Variants in SDK2 observed in about 807,000 individuals in gnomAD.
SDK2 encodes the protein protein sidekick-2.
Under a neutral mutation model 253.9 loss-of-function variants are expected in SDK2, and 105 were observed. The observed-to-expected ratio is 0.41, with a 90% CI of 0.35 to 0.49. The LOEUF (loss-of-function observed/expected upper bound fraction) is 0.49, where lower values mean the gene tolerates loss of function less well. Ranked by LOEUF, SDK2 falls within the 20% of genes least tolerant of loss-of-function variation. The pLI, the probability that SDK2 is intolerant of heterozygous loss-of-function variation, is 0.06. For synonymous variants in SDK2, 1,249 were observed against 1,234.9 expected, an observed-to-expected ratio of 1.01 and a Z score of -0.24; for missense variants, 2,608 against 3,003.0, an observed-to-expected ratio of 0.87 and a Z score of 3.07.
At chr17:73,584,545 G>A (rs533667758) in intron 1 of SDK2, among the ~76,000 whole-genome samples, 2 of 152,318 alleles carry the variant, frequency 1.3e-5, no homozygotes, top group African/African-American at 4.8e-5. Flanking sequence ...AGGAGGCTTT[G>A]GAGAGAGTCA....
In SDK2 at chr17:73,354,196, C is replaced by T. The variant is rs117711775; in HGVS notation, c.5594-1559G>A. The stretch of plus-strand genomic sequence containing the variant: ...TGCTGGGATTACAGGTGTGAGCCAC[C>T]GCGCTCAGCCAACAGGAAAAATTTG... On this transcript the variant is annotated intron_variant, in intron 40 of 44. Coordinates refer to ENST00000392650, the MANE Select transcript of SDK2 (RefSeq NM_001144952.2). 9.2e-5 allele frequency among the ~76,000 whole-genome samples: 14 copies of T among 152,274 alleles called. No homozygotes were observed. The East Asian group carries it at 1.9e-3, about 21-fold the overall frequency.
Position 73,338,125 on chromosome 17 carries a change from C to T in SDK2, c.*462G>A, listed in dbSNP as rs2062396435. 7.7e-6 allele frequency: 2 copies of T among 260,580 alleles called. No individual in the cohort carries two copies. Among genetic ancestry groups the T allele is most frequent in the South Asian group, 7.2e-5 (2 of 27,700 alleles). 16.1% of individuals were successfully genotyped at this position (260,580 alleles called of 1,614,324 possible). On this transcript the variant is annotated 3_prime_UTR_variant, in exon 45 of 45. Transcript: ENST00000392650. The surrounding 1 kb of genome is among the most constrained non-coding windows in gnomAD (Gnocchi z 5.0). ...GAAGATAGGCGTGGCCTCCGGGATG[C>T]CCATTCTTTTTGCAGAGAGCAGCGG...
In SDK2 at chr17:73,391,432, A is replaced by T. The variant is rs2062927243; in HGVS notation, c.3997+8T>A. On this transcript the variant is annotated splice_region_variant and intron_variant, in intron 28 of 44. Transcript: ENST00000392650. The stretch of plus-strand genomic sequence containing the variant: ...TGCAGCCGGGGCACGGGAAGGGCAA[A>T]GGCTTACCAAGAATGATGCCATTGG... The T allele has an allele frequency of 7.7e-7, 1 of 1,303,982 alleles. No homozygotes were observed. The highest frequency in any genetic ancestry group is 9.8e-7 in the Non-Finnish European group (1 of 1,016,120). 80.8% of individuals were successfully genotyped at this position (1,303,982 alleles called of 1,614,324 possible).
chr17:73,363,231 C>T (rs1006285018), intron 38 of SDK2, among the ~76,000 whole-genome samples: 3 of 152,150 alleles, frequency 2.0e-5, no homozygotes, highest in African/African-American at 7.2e-5. Context: ...ACTACCACAC[C>T]CAGCTAATTT....
In SDK2 at chr17:73,337,395, T is replaced by C. The variant is rs904388; in HGVS notation, c.*1192A>G. 139,975 of 152,400 alleles carry C rather than the reference T, an allele frequency of 0.92. 65,317 individuals are homozygous for C. The highest frequency in any genetic ancestry group is 1 in the Non-Finnish European group (67,955 of 68,128). 9.4% of individuals were successfully genotyped at this position (152,400 alleles called of 1,614,324 possible). A position where few individuals can be genotyped will look rare whatever the true frequency, so the allele number is the denominator to read the frequency against. ...TGCTTAGGAGGCTGCCGGGTGGCAG[T>C]GAGAGGGACACAGATCTGAAAGTGA... On this transcript the variant is annotated 3_prime_UTR_variant, in exon 45 of 45. Coordinates refer to ENST00000392650, the MANE Select transcript of SDK2 (RefSeq NM_001144952.2).
intron 1 of SDK2, among the ~76,000 whole-genome samples, chr17:73,532,823 C>T (rs1259407982): frequency 6.6e-6 from 1 of 151,918 alleles, no homozygotes; most frequent in Non-Finnish European, 1.5e-5. Flanking sequence ...CATGGCCCCA[C>T]GAGGCCTGGG....
chr17:73,339,060 G>C (rs1568356071), intron 44 of SDK2, 120 bp from the exon 45 acceptor site: 1 of 881,080 alleles, frequency 1.1e-6, no homozygotes, highest in Non-Finnish European at 1.8e-6. Context: ...TCAAGACTTG[G>C]ACTGTGGGCC....
intron 18 of SDK2, among the ~76,000 whole-genome samples, chr17:73,406,128 C>CA (rs1159064808): frequency 6.6e-6 from 1 of 151,882 alleles, no homozygotes; most frequent in Admixed American, 6.6e-5. Context: ...GGAATAATGA[C>CA]AAAAAACTCT....
chr17:73,599,056 A>G (rs1204663931), intron 1 of SDK2, among the ~76,000 whole-genome samples: 1 of 152,170 alleles, frequency 6.6e-6, no homozygotes, highest in African/African-American at 2.4e-5. Context: ...TCCCCCTAGA[A>G]AGAGTTACCC....
chr17:73,551,219 GGCCGGCTCCC>G, intron 1 of SDK2, among the ~76,000 whole-genome samples: 1 of 152,160 alleles, frequency 6.6e-6, no homozygotes, highest in East Asian at 1.9e-4. Context: ...GGGTGATGGC[GGCCGGCTCCC>G]CATCAGCTTC....
intron 36 of SDK2, chr17:73,369,198 GA>G (rs1747359041): frequency 2.1e-6 from 1 of 470,308 alleles, no homozygotes; most frequent in Admixed American, 2.4e-5. Context: ...ACAGTTCCTG[GA>G]GGAATAAAGC....
chr17:73,340,101 A>C (rs1427699179), intron 44 of SDK2, among the ~76,000 whole-genome samples: 1 of 151,934 alleles, frequency 6.6e-6, no homozygotes, highest in Non-Finnish European at 1.5e-5. Flanking sequence ...TGAACTCCTG[A>C]CCTCAGGTGA....
chr17:73,436,392 C>G (rs2063369009), intron 8 of SDK2, among the ~76,000 whole-genome samples: 1 of 152,046 alleles, frequency 6.6e-6, no homozygotes, highest in South Asian at 2.1e-4. Context: ...ACCTGACCAA[C>G]ATGGTGAAAC....
chr17:73,551,583 C>G (rs1008696515), intron 1 of SDK2, among the ~76,000 whole-genome samples: 4 of 152,186 alleles, frequency 2.6e-5, no homozygotes, highest in Non-Finnish European at 5.9e-5. Context: ...AACCTAACCC[C>G]TCCTGGACCA....
rs2063324169 is a variant in SDK2, at chr17:73,431,354, G to A, written c.1480+148C>T. ...ACCACTTTGTCACTGTCCCTCTGAT[G>A]AGAAGGGCCCTGACTGGGACAGACA... On this transcript the variant is annotated intron_variant, in intron 11 of 44. Coordinates refer to ENST00000392650, the MANE Select transcript of SDK2 (RefSeq NM_001144952.2). The surrounding 1 kb of genome is among the most constrained non-coding windows in gnomAD (Gnocchi z 5.6). The A allele has an allele frequency of 5.6e-6, 4 of 717,720 alleles. No individual in the cohort carries two copies. The highest frequency in any genetic ancestry group is 2.9e-5 in the East Asian group (1 of 34,410). 44.5% of individuals were successfully genotyped at this position (717,720 alleles called of 1,614,324 possible).
intron 36 of SDK2, among the ~76,000 whole-genome samples, chr17:73,372,446 A>G (rs1183555160): frequency 6.6e-6 from 1 of 152,228 alleles, no homozygotes; most frequent in Non-Finnish European, 1.5e-5. Flanking sequence ...TATCTGCTGG[A>G]TGAATAAATG....
intron 3 of SDK2, among the ~76,000 whole-genome samples, chr17:73,471,429 C>T (rs2063649931): frequency 6.6e-6 from 1 of 152,102 alleles, no homozygotes; most frequent in Non-Finnish European, 1.5e-5. Context: ...GAAACCCTAT[C>T]TCTACTAAAA....
chr17:73,454,584 TC>T (rs1453461774), intron 4 of SDK2, among the ~76,000 whole-genome samples: 1 of 152,246 alleles, frequency 6.6e-6, no homozygotes, highest in Non-Finnish European at 1.5e-5. Flanking sequence ...GAGAGCATCT[TC>T]TTCCTCACAG....
rs2062811575 is a variant in SDK2 at position 73,379,386 on chromosome 17, C to T, written c.4864+62G>A. ...TGGGGAGCCCAGATCCCGTTTCTTC[C>T]AGCTGAACTGGGTGGGGCTGGGAAA... On this transcript the variant is annotated intron_variant, in intron 35 of 44. Coordinates refer to ENST00000392650, the MANE Select transcript of SDK2 (RefSeq NM_001144952.2). The surrounding 1 kb of genome is among the most constrained non-coding windows in gnomAD (Gnocchi z 4.5). 1 of 1,529,626 alleles carries T rather than the reference C, an allele frequency of 6.5e-7. No individual in the cohort carries two copies. Among genetic ancestry groups the T allele is most frequent in the South Asian group, 1.2e-5 (1 of 84,060 alleles). The allele number at this position is 1,529,626 out of a possible 1,614,324, so 94.8% of individuals were successfully genotyped here.
Sources: allele counts gnomAD v4.1 joint callset (sites outside exome capture counted in the v4.1 genomes callset), GRCh38; gene constraint gnomAD v4.1.1; non-coding constraint Gnocchi (gnomAD v3.1); transcripts MANE v1.5; gene names NCBI Gene and HGNC (gene_info 2026-07-23, HGNC 2026-07-21).